The following SFSWAP variants were observed in gnomAD, a reference collection of about 807,000 sequenced individuals.
The protein encoded by SFSWAP is splicing factor, suppressor of white-apricot homolog.
A neutral mutation model predicts 100.7 loss-of-function variants in SFSWAP; 17 were observed. The observed-to-expected ratio is 0.17, with a 90% CI of 0.12 to 0.25. SFSWAP has a LOEUF of 0.25. SFSWAP is among the 10% of genes least tolerant of loss of function. The pLI, the probability that SFSWAP is intolerant of heterozygous loss-of-function variation, is 1.00. For synonymous variants in SFSWAP, 504 were observed against 510.1 expected, an observed-to-expected ratio of 0.99 and a Z score of 0.16; for missense variants, 1,005 against 1,262.6, an observed-to-expected ratio of 0.80 and a Z score of 3.09.
intron 11 of SFSWAP, among the ~76,000 whole-genome samples, chr12:131,759,481 A>G (rs189819787): frequency 2.1e-3 from 315 of 152,310 alleles, no homozygotes; most frequent in African/African-American, 7.0e-3. Context: ...TAGATGTTAA[A>G]ATATTAAACT....
At chr12:131,799,338 C>A in intron 17 of SFSWAP, 85 bp from the exon 18 acceptor site, 2 of 1,425,432 alleles carry the variant, frequency 1.4e-6, no homozygotes, top group South Asian at 1.2e-5. Flanking sequence ...TGGTCTTGAC[C>A]ACCAACTCGT....
At chr12:131,718,129 T>C (rs568166855) in intron 3 of SFSWAP, among the ~76,000 whole-genome samples, 16 of 152,332 alleles carry the variant, frequency 1.1e-4, no homozygotes, top group African/African-American at 3.6e-4. Flanking sequence ...TGTAACTTAA[T>C]AGGGATTGTA....
At chr12:131,773,980 G>C (rs182530682) in intron 13 of SFSWAP, among the ~76,000 whole-genome samples, 1 of 152,330 alleles carries the variant, frequency 6.6e-6, no homozygotes, top group Admixed American at 6.5e-5. Context: ...AAGGACAGGT[G>C]GCCCCACTCA....
At chr12:131,764,173 C>G (rs1414217557) in intron 11 of SFSWAP, among the ~76,000 whole-genome samples, 1 of 152,232 alleles carries the variant, frequency 6.6e-6, no homozygotes, top group Non-Finnish European at 1.5e-5. Context: ...TTTAAAATTG[C>G]AGGTGACTGC....
chr12:131,795,096 G>C (rs932799182), intron 15 of SFSWAP, among the ~76,000 whole-genome samples: 1 of 152,164 alleles, frequency 6.6e-6, no homozygotes, highest in East Asian at 1.9e-4. Context: ...TGACTCTTTC[G>C]TGCAGGTCCC....
rs1885521481 is a variant in SFSWAP at position 131,794,942 on chromosome 12, T to C, written c.2535-2236T>C. Among the ~76,000 whole-genome samples the C allele has an allele frequency of 6.6e-6, 1 of 152,250 alleles. No homozygotes were observed. Among genetic ancestry groups the C allele is most frequent in the African/African-American group, 2.4e-5 (1 of 41,456 alleles). On this transcript the variant is annotated intron_variant, in intron 15 of 17. Transcript: ENST00000261674. This position sits in a 1 kb window ranked among gnomAD's most constrained non-coding sequence, Gnocchi z 4.8. ...GCCTTTTGTTCATTATGCAGCCACATAAACTCAGCTGGATTTGGGGAGTAA... is the reference window on the plus strand; with the variant it reads ...GCCTTTTGTTCATTATGCAGCCACACAAACTCAGCTGGATTTGGGGAGTAA...
chr12:131,738,300 A>C (rs1880234851), intron 7 of SFSWAP, among the ~76,000 whole-genome samples: 1 of 152,216 alleles, frequency 6.6e-6, no homozygotes, highest in African/African-American at 2.4e-5. Flanking sequence ...AGAAAGCAAA[A>C]ATGTTACCCA....
intron 15 of SFSWAP, among the ~76,000 whole-genome samples, chr12:131,787,050 C>T (rs937364734): frequency 2.6e-5 from 4 of 152,154 alleles, no homozygotes; most frequent in Admixed American, 6.5e-5. Context: ...GCCACAGAGT[C>T]CTGTTGGGGC....
chr12:131,755,039 A>G (rs553600015), intron 9 of SFSWAP, among the ~76,000 whole-genome samples: 15 of 152,214 alleles, frequency 9.9e-5, no homozygotes, highest in African/African-American at 3.6e-4. Context: ...TTTAAGTAGG[A>G]ATTTTGAAGC....
chr12:131,719,037 A>G (rs1416652077), intron 3 of SFSWAP, among the ~76,000 whole-genome samples: 6 of 152,164 alleles, frequency 3.9e-5, no homozygotes, highest in African/African-American at 1.4e-4. Flanking sequence ...TTTTTCAGCC[A>G]AACACTGATC....
intron 15 of SFSWAP, among the ~76,000 whole-genome samples, chr12:131,795,179 A>G (rs1261919491): frequency 6.6e-6 from 1 of 152,202 alleles, no homozygotes; most frequent in Admixed American, 6.5e-5. Context: ...AGAAGATGCC[A>G]AGTCATCTGC....
intron 7 of SFSWAP, among the ~76,000 whole-genome samples, chr12:131,748,536 CCTCT>C (rs1881341873): frequency 6.6e-6 from 1 of 152,200 alleles, no homozygotes; most frequent in East Asian, 1.9e-4. Context: ...TCACCAATCT[CCTCT>C]CTAAGAACCT....
Position 131,778,373 on chromosome 12 carries a change from C to T in SFSWAP, c.2408+43C>T. On this transcript the variant is annotated intron_variant, in intron 14 of 17. Coordinates refer to ENST00000261674, the MANE Select transcript of SFSWAP (RefSeq NM_004592.4). The surrounding 1 kb of genome is among the most constrained non-coding windows in gnomAD (Gnocchi z 4.2). Reference sequence around the variant, plus strand: ...AGCACCTCTGGTACCCTCATGACCCCCATGTCCTTCACAGGACACCCAGTA... The same window carrying T: ...AGCACCTCTGGTACCCTCATGACCCTCATGTCCTTCACAGGACACCCAGTA... 6.3e-7 allele frequency: 1 copy of T among 1,587,874 alleles called. No individual in the cohort carries two copies. The highest frequency in any genetic ancestry group is 1.4e-5 in the African/African-American group (1 of 73,380).
At chr12:131,751,577 G>A (rs1881632630) in intron 7 of SFSWAP, among the ~76,000 whole-genome samples, 1 of 152,280 alleles carries the variant, frequency 6.6e-6, no homozygotes, top group Non-Finnish European at 1.5e-5. Flanking sequence ...GGCTCCAGCA[G>A]GGAGTGGGTG....
rs1879802698 is a variant in SFSWAP, at chr12:131,734,398, G to A, written c.1081+5970G>A. Among the ~76,000 whole-genome samples the A allele has an allele frequency of 6.6e-6, 1 of 152,232 alleles. No homozygotes were observed. Among genetic ancestry groups the A allele is most frequent in the African/African-American group, 2.4e-5 (1 of 41,462 alleles). On this transcript the variant is annotated intron_variant, in intron 7 of 17. Coordinates refer to ENST00000261674, the MANE Select transcript of SFSWAP (RefSeq NM_004592.4). This position sits in a 1 kb window ranked among gnomAD's most constrained non-coding sequence, Gnocchi z 4.9. Reference sequence around the variant, plus strand: ...TGAATGTGCAGGAGAAATGAGAAGAGGACTTAAGATCAAAAAGAGAGTGAC... The same window carrying A: ...TGAATGTGCAGGAGAAATGAGAAGAAGACTTAAGATCAAAAAGAGAGTGAC...
chr12:131,790,307 T>C (rs1251441674), intron 15 of SFSWAP, among the ~76,000 whole-genome samples: 2 of 152,216 alleles, frequency 1.3e-5, no homozygotes, highest in Non-Finnish European at 2.9e-5. Flanking sequence ...TTGCGTTTGG[T>C]ACAAGATGTT....
rs749916317 is a variant in SFSWAP, at chr12:131,764,667, G to C, written c.1932G>C (p.Glu644Asp). ...AGAAGAAGCCTCAACTTACCCAGGA[G>C]GAGCTAGAAGCAAAGCAAGGTTTGT... ...VEEKKPQLTQ[E>D]ELEAKQAKQK... Residue 644 changes from glutamate to aspartate, a missense_variant, in exon 12 of 18, where the codon GAG becomes GAC. By Grantham distance (45) the Glu-to-Asp change is conservative (BLOSUM62 2). Around this residue, in one of 7 missense-constraint regions of SFSWAP, gnomAD observed 82 missense variants for 131.0 expected, o/e 0.63. Coordinates refer to ENST00000261674, the MANE Select transcript of SFSWAP (RefSeq NM_004592.4). The C allele has an allele frequency of 6.2e-7, 1 of 1,613,170 alleles. No homozygotes were observed. Among genetic ancestry groups the C allele is most frequent in the South Asian group, 1.1e-5 (1 of 90,992 alleles).
intron 13 of SFSWAP, among the ~76,000 whole-genome samples, chr12:131,770,211 G>A (rs886902418): frequency 5.9e-5 from 9 of 152,228 alleles, no homozygotes; most frequent in African/African-American, 1.9e-4. Flanking sequence ...CTGATGTTGA[G>A]ACATTTGACC....
intron 4 of SFSWAP, among the ~76,000 whole-genome samples, chr12:131,723,044 A>G (rs1329215179): frequency 6.6e-6 from 1 of 152,232 alleles, no homozygotes; most frequent in African/African-American, 2.4e-5. Flanking sequence ...CCTAAGTTAC[A>G]TGTGTGAGGG....
Sources: allele counts gnomAD v4.1 joint callset (sites outside exome capture counted in the v4.1 genomes callset), GRCh38; gene constraint gnomAD v4.1.1; regional missense constraint gnomAD v4.1.1; non-coding constraint Gnocchi (gnomAD v3.1); transcripts MANE v1.5; gene names NCBI Gene and HGNC (gene_info 2026-07-23, HGNC 2026-07-21).